BLNK: variants seen among roughly 807,000 people sequenced by gnomAD.
The protein encoded by BLNK is B-cell linker protein.
A neutral mutation model predicts 73.5 loss-of-function variants in BLNK; 29 were observed. The ratio of observed to expected loss-of-function variants is 0.39; its 90% CI spans 0.29 to 0.54. BLNK has a LOEUF of 0.54. BLNK is among the 20% of genes least tolerant of loss of function. The probability of loss-of-function intolerance (pLI) is 0.61; values close to 1 mark genes in which losing one functional copy is unlikely to be tolerated. For missense variants in BLNK, 460 were observed against 562.8 expected (o/e 0.82, Z 1.85); for synonymous variants, 176 against 200.8 (o/e 0.88, Z 1.04).
At chr10:96,226,494 A>G (rs1842267432) in intron 5 of BLNK, among the ~76,000 whole-genome samples, 1 of 152,132 alleles carries the variant, frequency 6.6e-6, no homozygotes, top group Non-Finnish European at 1.5e-5. Context: ...TGCTCTCTGA[A>G]CCTTTGGGGA....
intron 15 of BLNK, among the ~76,000 whole-genome samples, chr10:96,197,348 A>G (rs1554894948): frequency 6.6e-6 from 1 of 152,204 alleles, no homozygotes; most frequent in African/African-American, 2.4e-5. Context: ...TTTGTTGCCC[A>G]GGCTGGTGTG....
chr10:96,217,949 G>A (rs2084107087), intron 6 of BLNK, among the ~76,000 whole-genome samples: 1 of 152,158 alleles, frequency 6.6e-6, no homozygotes, highest in African/African-American at 2.4e-5. Flanking sequence ...TTAGGTCTAT[G>A]CTACATTTTC....
rs587770195 is a variant in BLNK, at chr10:96,190,621, T to C, written c.*1352A>G. Among the ~76,000 whole-genome samples, 9 of 152,384 alleles carry C rather than the reference T, an allele frequency of 5.9e-5. No homozygotes were observed. The East Asian group carries it at 1.5e-3, about 26-fold the overall frequency. On this transcript the variant is annotated 3_prime_UTR_variant, in exon 17 of 17. Transcript: ENST00000224337. ...TTTAGAAGTGAGTCATGAGTTACCC[T>C]GAAATTATTACCTTCTGGCCTTTCA...
chr10:96,193,680 C>T (rs1289478845), intron 16 of BLNK, among the ~76,000 whole-genome samples: 5 of 152,090 alleles, frequency 3.3e-5, no homozygotes, highest in African/African-American at 1.2e-4. Flanking sequence ...TATTTGTGGA[C>T]AGAAAAACAA....
At position 96,204,049 on chromosome 10, in the gene BLNK, G is replaced by A; in HGVS notation, c.934+8C>T. On this transcript the variant is annotated splice_region_variant and intron_variant, in intron 13 of 16. Coordinates refer to ENST00000224337, the MANE Select transcript of BLNK (RefSeq NM_013314.4). The stretch of plus-strand genomic sequence containing the variant: ...CCCTGATACACTACATGGCTTCGTT[G>A]TACTTACTTGGCAGAGGTATGGGTT... 6.2e-7 allele frequency: 1 copy of A among 1,612,220 alleles called. No homozygotes were observed. The highest frequency in any genetic ancestry group is 1.1e-5 in the South Asian group (1 of 91,038).
chr10:96,206,655 CA>C (rs2083818472), intron 11 of BLNK, among the ~76,000 whole-genome samples: 1 of 151,566 alleles, frequency 6.6e-6, no homozygotes, highest in Non-Finnish European at 1.5e-5. Context: ...AGAACTTGTT[CA>C]AATAAACAGA....
At chr10:96,196,389 A>T (rs1554894681) in intron 16 of BLNK, among the ~76,000 whole-genome samples, 1 of 152,176 alleles carries the variant, frequency 6.6e-6, no homozygotes, top group African/African-American at 2.4e-5. Flanking sequence ...ATTAAAGTTA[A>T]TGTTTGATTA....
chr10:96,210,078 A>T, intron 8 of BLNK, 171 bp from the exon 9 acceptor site: 1 of 708,672 alleles, frequency 1.4e-6, no homozygotes, highest in Non-Finnish European at 2.5e-6. Flanking sequence ...TTGTGGGCAA[A>T]GGTGATGACA....
At chr10:96,263,984 A>T (rs1843878062) in intron 1 of BLNK, among the ~76,000 whole-genome samples, 1 of 152,070 alleles carries the variant, frequency 6.6e-6, no homozygotes, top group Non-Finnish European at 1.5e-5. Context: ...TGGAGCAGGG[A>T]CTTGGGTAGG....
chr10:96,265,919 G>A (rs1211448906), intron 1 of BLNK, among the ~76,000 whole-genome samples: 2 of 152,172 alleles, frequency 1.3e-5, no homozygotes, highest in African/African-American at 4.8e-5. Context: ...CTCCCCAGTT[G>A]TGACAACCAA....
chr10:96,194,399 A>G (rs879956220), intron 16 of BLNK, among the ~76,000 whole-genome samples: 3 of 152,230 alleles, frequency 2.0e-5, no homozygotes, highest in Non-Finnish European at 2.9e-5. Context: ...TAAAAATTCT[A>G]GAAGAAAATG....
At chr10:96,214,830 AT>A (rs2084027629) in intron 8 of BLNK, among the ~76,000 whole-genome samples, 1 of 152,180 alleles carries the variant, frequency 6.6e-6, no homozygotes, top group Non-Finnish European at 1.5e-5. Context: ...TCGCATTCAC[AT>A]TTGCAGAATT....
intron 6 of BLNK, among the ~76,000 whole-genome samples, chr10:96,223,599 GCACAGA>G (rs2134019990): frequency 6.6e-6 from 1 of 152,218 alleles, no homozygotes; most frequent in Non-Finnish European, 1.5e-5. Context: ...AATATGAGGG[GCACAGA>G]CTCAGTATTG....
Position 96,216,789 on chromosome 10 carries a change from T to C in BLNK, c.526-55A>G, listed in dbSNP as rs368742994. On this transcript the variant is annotated intron_variant, in intron 6 of 16. Coordinates refer to ENST00000224337, the MANE Select transcript of BLNK (RefSeq NM_013314.4). ...AATGCTGTACATTCATAGTTGACTG[T>C]ATGGGAGGGAGTGATTTTTTTAAAA... is the stretch of plus-strand genomic sequence containing the variant. 7.9e-4 allele frequency: 1,144 copies of C among 1,444,902 alleles called. 1 individual carries two copies. The highest frequency in any genetic ancestry group is 1.0e-3 in the Non-Finnish European group (1,043 of 1,027,414). The allele number at this position is 1,444,902 out of a possible 1,614,324, so 89.5% of individuals were successfully genotyped here. A position where few individuals can be genotyped will look rare whatever the true frequency, so the allele number is the denominator to read the frequency against.
chr10:96,254,847 T>G (rs1336667172), intron 1 of BLNK, among the ~76,000 whole-genome samples: 8 of 152,184 alleles, frequency 5.3e-5, no homozygotes, highest in African/African-American at 1.7e-4. Flanking sequence ...GTTTAGACCT[T>G]ACATCAATTG....
rs142995672 is a variant in BLNK, at chr10:96,190,228, G to A, written c.*1745C>T. The A allele has an allele frequency of 4.6e-4, 346 of 753,488 alleles. 2 individuals are homozygous for A. Among genetic ancestry groups the A allele is most frequent in the African/African-American group, 4.2e-3 (245 of 58,844 alleles). 46.7% of individuals were successfully genotyped at this position (753,488 alleles called of 1,614,324 possible). On this transcript the variant is annotated 3_prime_UTR_variant, in exon 17 of 17. Coordinates refer to ENST00000224337, the MANE Select transcript of BLNK (RefSeq NM_013314.4). ...TCCATCGAATCTTCCATCAGGTGGC[G>A]GCACACACTTAGGTGGGAGAGAAAG...
At chr10:96,202,244 G>T (rs1195869089) in intron 13 of BLNK, among the ~76,000 whole-genome samples, 1 of 152,134 alleles carries the variant, frequency 6.6e-6, no homozygotes, top group African/African-American at 2.4e-5. Context: ...TTGAACAGGG[G>T]GGTAACATGA....
chr10:96,263,029 C>T (rs12255087), intron 1 of BLNK, among the ~76,000 whole-genome samples: 3,412 of 152,232 alleles, frequency 0.022, 127 homozygotes, highest in African/African-American at 0.077. Flanking sequence ...CCTCGCAAGG[C>T]GAATCTCTGT....
At chr10:96,246,106 G>A (rs555658585) in intron 2 of BLNK, among the ~76,000 whole-genome samples, 1 of 151,810 alleles carries the variant, frequency 6.6e-6, no homozygotes, top group Non-Finnish European at 1.5e-5. Context: ...ATTTTGAGTG[G>A]CAAATGCAGA....
Sources: allele counts gnomAD v4.1 joint callset (sites outside exome capture counted in the v4.1 genomes callset), GRCh38; gene constraint gnomAD v4.1.1; transcripts MANE v1.5; gene names NCBI Gene and HGNC (gene_info 2026-07-23, HGNC 2026-07-21).